STIM2: variants seen among roughly 807,000 people sequenced by gnomAD.
STIM2 encodes the protein stromal interaction molecule 2.
STIM2 carries 31 observed loss-of-function variants against 85.8 expected under a neutral mutation model. The observed-to-expected ratio is 0.36, with a 90% CI of 0.27 to 0.49. The LOEUF (loss-of-function observed/expected upper bound fraction) is 0.49. Among genes scored for constraint, STIM2 ranks in the 20% least tolerant of loss-of-function variants. STIM2 has a pLI of 0.98. For missense variants in STIM2, 841 were observed against 927.6 expected, an observed-to-expected ratio of 0.91 and a Z score of 1.21; for synonymous variants, 356 against 331.1, an observed-to-expected ratio of 1.08 and a Z score of -0.82.
At chr4:26,940,078 A>C (rs1323861528) in intron 2 of STIM2, among the ~76,000 whole-genome samples, 1 of 152,200 alleles carries the variant, frequency 6.6e-6, no homozygotes, top group African/African-American at 2.4e-5. Context: ...AGATGATAGG[A>C]AGCACATGCC....
At chr4:26,861,945 G>A (rs1489654984) in intron 1 of STIM2, among the ~76,000 whole-genome samples, 1 of 152,082 alleles carries the variant, frequency 6.6e-6, no homozygotes, top group Non-Finnish European at 1.5e-5. Flanking sequence ...CATTTTTTGC[G>A]GGGTGGAAGG....
intron 3 of STIM2, among the ~76,000 whole-genome samples, chr4:26,990,309 T>A (rs1276403606): frequency 6.6e-6 from 1 of 152,082 alleles, no homozygotes; most frequent in Non-Finnish European, 1.5e-5. Flanking sequence ...CCATACACTT[T>A]TAGCCAACTC....
At chr4:26,878,865 A>G (rs896113273) in intron 1 of STIM2, among the ~76,000 whole-genome samples, 5 of 152,138 alleles carry the variant, frequency 3.3e-5, no homozygotes, top group Admixed American at 6.6e-5. Context: ...ACTTAAAACT[A>G]TCGGCTCTCA....
chr4:26,918,771 A>G (rs1724687693), intron 1 of STIM2, among the ~76,000 whole-genome samples: 1 of 152,168 alleles, frequency 6.6e-6, no homozygotes, highest in South Asian at 2.1e-4. Context: ...AAAATGTTTC[A>G]TGCTTTCTAA....
chr4:26,936,331 A>T (rs531476652), intron 2 of STIM2, among the ~76,000 whole-genome samples: 1 of 152,256 alleles, frequency 6.6e-6, no homozygotes, highest in East Asian at 1.9e-4. Flanking sequence ...CTGTTGAGTT[A>T]TCTTTTTGTT....
At chr4:26,966,900 T>C (rs1294864917) in intron 3 of STIM2, among the ~76,000 whole-genome samples, 2 of 152,192 alleles carry the variant, frequency 1.3e-5, no homozygotes, top group Non-Finnish European at 2.9e-5. Flanking sequence ...TGGTTTTATA[T>C]TTTAAAGATA....
intron 1 of STIM2, chr4:26,874,174 T>A: frequency 2.0e-6 from 1 of 500,326 alleles, no homozygotes. Context: ...TTGAGGTTGA[T>A]GGCTGTCAGG....
intron 2 of STIM2, among the ~76,000 whole-genome samples, chr4:26,931,398 C>T (rs1725200502): frequency 6.6e-6 from 1 of 152,020 alleles, no homozygotes; most frequent in South Asian, 2.1e-4. Context: ...TGATAATTTA[C>T]TAACTAGAAA....
At position 26,928,382 on chromosome 4, in the gene STIM2, G is replaced by A. The variant is rs147847416; in HGVS notation, c.282+8748G>A. On this transcript the variant is annotated intron_variant, in intron 2 of 11. Transcript: ENST00000467087. ...ATTAAAAATACCTTCAAAGGAAAGA[G>A]CAGTTAAAATTGTGCATGATATATA... Among the ~76,000 whole-genome samples the A allele has an allele frequency of 4.8e-4, 73 of 152,266 alleles. No homozygotes were observed. The East Asian group carries it at 0.013, about 28-fold the overall frequency.
chr4:26,931,503 C>A (rs1725203373), intron 2 of STIM2, among the ~76,000 whole-genome samples: 1 of 151,932 alleles, frequency 6.6e-6, no homozygotes, highest in South Asian at 2.1e-4. Flanking sequence ...TGGAAATGTC[C>A]CACAATAAAA....
At chr4:26,938,616 G>A (rs1725479281) in intron 2 of STIM2, among the ~76,000 whole-genome samples, 1 of 152,290 alleles carries the variant, frequency 6.6e-6, no homozygotes, top group East Asian at 1.9e-4. Context: ...AGAGAGTTCT[G>A]CTCTAGAAAG....
chr4:26,965,587 A>T (rs1278043153), intron 3 of STIM2, among the ~76,000 whole-genome samples: 1 of 151,832 alleles, frequency 6.6e-6, no homozygotes, highest in Non-Finnish European at 1.5e-5. Context: ...CTTCACTTCA[A>T]ATCTACCCAT....
intron 11 of STIM2, among the ~76,000 whole-genome samples, chr4:27,021,865 A>G (rs1172295662): frequency 6.6e-6 from 1 of 152,176 alleles, no homozygotes; most frequent in East Asian, 1.9e-4. Context: ...GGGTTACAAA[A>G]TTTATTTTTC....
chr4:26,951,329 C>A (rs971888433), intron 2 of STIM2, among the ~76,000 whole-genome samples: 1 of 152,110 alleles, frequency 6.6e-6, no homozygotes, highest in Non-Finnish European at 1.5e-5. Context: ...CACAGATGTA[C>A]GAATGTGCCA....
intron 1 of STIM2, among the ~76,000 whole-genome samples, chr4:26,874,800 G>A (rs915676675): frequency 6.6e-6 from 1 of 152,184 alleles, no homozygotes; most frequent in Non-Finnish European, 1.5e-5. Flanking sequence ...TTAAACAAAT[G>A]TTTGAATGTC....
intron 5 of STIM2, among the ~76,000 whole-genome samples, chr4:27,001,411 C>T (rs751862534): frequency 1.4e-4 from 21 of 152,174 alleles, no homozygotes; most frequent in Non-Finnish European, 2.5e-4. Context: ...TGGGGGTTAA[C>T]ATCATACCAG....
intron 10 of STIM2, among the ~76,000 whole-genome samples, chr4:27,010,614 C>G (rs1005919675): frequency 1.3e-5 from 2 of 152,152 alleles, no homozygotes; most frequent in African/African-American, 4.8e-5. Context: ...GGGAAACTCT[C>G]GGCAATAGAA....
chr4:27,013,349 C>G (rs1728624559), intron 10 of STIM2, among the ~76,000 whole-genome samples: 1 of 151,776 alleles, frequency 6.6e-6, no homozygotes, highest in Non-Finnish European at 1.5e-5. Context: ...TCTTGCTGTG[C>G]TTAATTTATA....
At chr4:26,907,273 C>T (rs1724167133) in intron 1 of STIM2, among the ~76,000 whole-genome samples, 1 of 151,898 alleles carries the variant, frequency 6.6e-6, no homozygotes. Context: ...CTATATAGTT[C>T]TTAGAACATA....
Sources: gnomAD v4.1 joint callset for allele counts (sites outside exome capture counted in the v4.1 genomes callset) on GRCh38, gnomAD v4.1.1 for gene constraint, MANE v1.5 for transcripts, NCBI Gene and HGNC (gene_info 2026-07-23, HGNC 2026-07-21) for gene names.